MET: variants seen among roughly 807,000 people sequenced by gnomAD.
MET encodes MET proto-oncogene, receptor tyrosine kinase.
A neutral mutation model predicts 133.1 loss-of-function variants in MET; 48 were observed. The observed-to-expected ratio is 0.36, with a 90% CI of 0.29 to 0.46. The LOEUF is 0.46. Ranked by LOEUF, MET falls within the 20% of genes least tolerant of loss-of-function variation. The pLI, the probability that MET is intolerant of heterozygous loss-of-function variation, is 1.00. For missense variants in MET, 1,442 were observed against 1,695.9 expected (o/e 0.85, Z 2.63); for synonymous variants, 628 against 616.5 (o/e 1.02, Z -0.28).
intron 5 of MET, among the ~76,000 whole-genome samples, chr7:116,750,335 G>C (rs1793867597): frequency 6.6e-6 from 1 of 152,176 alleles, no homozygotes; most frequent in African/African-American, 2.4e-5. Context: ...ATGGGGAAAG[G>C]ATTCCCTATT....
intron 1 of MET, among the ~76,000 whole-genome samples, chr7:116,678,852 T>G (rs1229160446): frequency 6.6e-6 from 1 of 152,174 alleles, no homozygotes; most frequent in East Asian, 1.9e-4. Context: ...AAACTGTATG[T>G]CCCTCTAAGC....
chr7:116,706,076 G>A (rs1032678553), intron 2 of MET, among the ~76,000 whole-genome samples: 2 of 152,088 alleles, frequency 1.3e-5, no homozygotes, highest in Non-Finnish European at 2.9e-5. Flanking sequence ...AAGGCATGAT[G>A]TTTTTATAAC....
intron 4 of MET, 74 bp from the exon 5 acceptor site, chr7:116,740,778 T>C: frequency 1.3e-6 from 2 of 1,556,828 alleles, no homozygotes; most frequent in Non-Finnish European, 1.8e-6. Flanking sequence ...ATGTACCTTT[T>C]GTGTACTTAC....
intron 1 of MET, among the ~76,000 whole-genome samples, chr7:116,673,141 T>C (rs532727158): frequency 1.3e-5 from 2 of 152,342 alleles, no homozygotes; most frequent in South Asian, 4.1e-4. Context: ...AAATAGATTA[T>C]AACCAGAGGC....
intron 5 of MET, 169 bp downstream of exon 5, chr7:116,741,194 C>T (rs1289301201): frequency 3.9e-6 from 3 of 772,402 alleles, no homozygotes; most frequent in Non-Finnish European, 6.2e-6. Context: ...AGCACCATCT[C>T]TCTCTTGGCT....
At chr7:116,714,745 GCACA>G (rs142954535) in intron 2 of MET, among the ~76,000 whole-genome samples, 3,119 of 145,058 alleles carry the variant, frequency 0.022, 38 homozygotes, top group African/African-American at 0.039. Flanking sequence ...TCACATGCAC[GCACA>G]CACACACACA....
At chr7:116,754,160 G>A (rs1794034048) in intron 5 of MET, among the ~76,000 whole-genome samples, 1 of 152,062 alleles carries the variant, frequency 6.6e-6, no homozygotes, top group African/African-American at 2.4e-5. Flanking sequence ...AATAATGAAT[G>A]AATGAATGAA....
At chr7:116,779,009 T>G (rs1211740492) in intron 17 of MET, 52 bp downstream of exon 17, 1 of 1,590,542 alleles carries the variant, frequency 6.3e-7, no homozygotes, top group Admixed American at 1.7e-5. Flanking sequence ...AAGCCAGCCA[T>G]CCCTTCAAAA....
chr7:116,756,884 G>T (rs1024740436), intron 6 of MET, among the ~76,000 whole-genome samples: 1 of 152,032 alleles, frequency 6.6e-6, no homozygotes, highest in African/African-American at 2.4e-5. Context: ...TTATGGATAA[G>T]GTCTGATATT....
chr7:116,769,946 G>C, intron 12 of MET, 155 bp downstream of exon 12: 1 of 1,117,694 alleles, frequency 8.9e-7, no homozygotes, highest in African/African-American at 1.6e-5. Flanking sequence ...GAAATAGTGA[G>C]CTTTTTGCCA....
chr7:116,780,688 G>A (rs1350511700), intron 17 of MET, among the ~76,000 whole-genome samples: 1 of 152,170 alleles, frequency 6.6e-6, no homozygotes, highest in Non-Finnish European at 1.5e-5. Context: ...CCTAAAACCA[G>A]GAACTGGCCT....
chr7:116,712,897 C>G (rs905132293), intron 2 of MET, among the ~76,000 whole-genome samples: 4 of 152,150 alleles, frequency 2.6e-5, no homozygotes, highest in African/African-American at 7.2e-5. Context: ...TCTCTGCTCC[C>G]GTAAGGTTTT....
rs757883355 is a variant in MET, at chr7:116,699,325, G to T, written c.241G>T (p.Val81Phe). ...TTTAAATGAGGAAGACCTTCAGAAG[G>T]TTGCTGAGTACAAGACTGGGCCTGT... ...YVLNEEDLQK[V>F]AEYKTGPVLE... Residue 81 changes from valine to phenylalanine, a missense_variant, in exon 2 of 21, where the codon GTT (valine) becomes TTT (phenylalanine). This residue lies in a region of MET where 762 missense variants were observed against 792.4 expected (regional missense o/e 0.96). Transcript: ENST00000397752. The T allele has an allele frequency of 8.7e-6, 14 of 1,613,926 alleles. No homozygotes were observed. The South Asian group carries it at 9.9e-5, about 11-fold the overall frequency.
chr7:116,795,661 T>C lies in MET; in HGVS notation c.3805T>C (p.Phe1269Leu), dbSNP rs2117107308. The change falls in exon 20 of 21, where the codon TTT (phenylalanine) becomes CTT (leucine). Residue 1269 changes from phenylalanine to leucine, a missense_variant. Transcript: ENST00000397752. The stretch of plus-strand genomic sequence containing the variant: ...CTGTTTCTTGTTTTACTAGTGGTCC[T>C]TTGGCGTGCTCCTCTGGGAGCTGAT... Reference protein sequence around the residue: ...KFTTKSDVWSFGVLLWELMTR... With the variant: ...KFTTKSDVWSLGVLLWELMTR... 6.2e-7 allele frequency: 1 copy of C among 1,613,934 alleles called. No individual in the cohort carries two copies. The highest frequency in any genetic ancestry group is 1.3e-5 in the African/African-American group (1 of 75,052).
intron 5 of MET, among the ~76,000 whole-genome samples, chr7:116,745,581 G>T (rs1793640733): frequency 6.6e-6 from 1 of 152,096 alleles, no homozygotes; most frequent in Admixed American, 6.5e-5. Flanking sequence ...CCAAAACAGA[G>T]ATATAGATCA....
At chr7:116,694,036 G>T (rs1218264520) in intron 1 of MET, among the ~76,000 whole-genome samples, 1 of 152,164 alleles carries the variant, frequency 6.6e-6, no homozygotes, top group Non-Finnish European at 1.5e-5. Context: ...CTAAAATCTG[G>T]CCAGTGCCTG....
In MET at chr7:116,755,577, A is replaced by C. The variant is rs1394382625; in HGVS notation, c.1862+62A>C. ...GAAAATAGGTTTTGTTTTTGAATGA[A>C]TATTTCTTTTAAAATTGCTCAAGAA... On this transcript the variant is annotated intron_variant, in intron 6 of 20. Coordinates refer to ENST00000397752, the MANE Select transcript of MET (RefSeq NM_000245.4). 7.5e-6 allele frequency: 12 copies of C among 1,600,324 alleles called. No individual in the cohort carries two copies. The East Asian group carries it at 1.1e-4, about 15-fold the overall frequency.
chr7:116,687,778 A>G (rs1219801720), intron 1 of MET, among the ~76,000 whole-genome samples: 1 of 152,228 alleles, frequency 6.6e-6, no homozygotes, highest in Non-Finnish European at 1.5e-5. Flanking sequence ...AGAAAATAGC[A>G]CTACAAGGAA....
chr7:116,773,379 A>G (rs1173504924), intron 14 of MET, among the ~76,000 whole-genome samples: 2 of 152,132 alleles, frequency 1.3e-5, no homozygotes, highest in Non-Finnish European at 2.9e-5. Context: ...TGATGGTTTC[A>G]ATTGGTTTCT....
Sources: gnomAD v4.1 joint callset for allele counts (sites outside exome capture counted in the v4.1 genomes callset) on GRCh38, gnomAD v4.1.1 for gene constraint, gnomAD v4.1.1 regional missense constraint, MANE v1.5 for transcripts, NCBI Gene and HGNC (gene_info 2026-07-23, HGNC 2026-07-21) for gene names.